LRRC14: variants seen among roughly 807,000 people sequenced by gnomAD.
LRRC14 encodes the protein leucine-rich repeat-containing protein 14.
Under a neutral mutation model 25.3 loss-of-function variants are expected in LRRC14, and 16 were observed. The observed-to-expected ratio is 0.63, with a 90% CI of 0.43 to 0.96. The LOEUF (loss-of-function observed/expected upper bound fraction) is 0.96, where lower values mean the gene tolerates loss of function less well. Among genes scored for constraint, LRRC14 ranks in the 40% least tolerant of loss-of-function variants. LRRC14 has a pLI of 0.00. For synonymous variants in LRRC14, 359 were observed against 295.1 expected (o/e 1.22, Z -2.22); for missense variants, 594 against 660.5 (o/e 0.90, Z 1.10).
chr8:144,522,416 C>T lies in LRRC14; in HGVS notation c.*938C>T. ...GCGGCTTCCACCTTTACTGACGGAG[C>T]ATGCGCGAGGCCGCACCGGCCAATC... On this transcript the variant is annotated 3_prime_UTR_variant, in exon 4 of 4. Transcript: ENST00000292524. 7.3e-7 allele frequency: 1 copy of T among 1,376,230 alleles called. No individual in the cohort carries two copies. The highest frequency in any genetic ancestry group is 9.3e-7 in the Non-Finnish European group (1 of 1,072,838). The allele number at this position is 1,376,230 out of a possible 1,614,324, so 85.3% of individuals were successfully genotyped here.
Position 144,524,181 on chromosome 8 carries a change from C to G in LRRC14, c.*2703C>G. On this transcript the variant is annotated 3_prime_UTR_variant, in exon 4 of 4. Coordinates refer to ENST00000292524, the MANE Select transcript of LRRC14 (RefSeq NM_014665.4). Reference sequence around the variant, plus strand: ...TCGGCTGATGGTGCCCAGCTGGTTCCTGCTGAGGTCCAGCAGTGCTAGGGA... The same window carrying G: ...TCGGCTGATGGTGCCCAGCTGGTTCGTGCTGAGGTCCAGCAGTGCTAGGGA... The G allele has an allele frequency of 6.2e-7, 1 of 1,611,740 alleles. No individual in the cohort carries two copies.
In LRRC14 at chr8:144,522,236, C is replaced by CG. The variant is rs1381514376; in HGVS notation, c.*758_*759insG. 6.0e-6 allele frequency: 3 copies of CG among 501,802 alleles called. No homozygotes were observed. The highest frequency in any genetic ancestry group is 9.6e-6 in the Non-Finnish European group (3 of 312,496). The allele number at this position is 501,802 out of a possible 1,614,324, so 31.1% of individuals were successfully genotyped here. On this transcript the variant is annotated 3_prime_UTR_variant, in exon 4 of 4. Coordinates refer to ENST00000292524, the MANE Select transcript of LRRC14 (RefSeq NM_014665.4). ...TGGCCGGCCAGGGCCAGCGAGGGAC[C>CG]CCCCCCATGCAGAGCTGGAGGTTGG...
chr8:144,523,823 C>T lies in LRRC14; in HGVS notation c.*2345C>T, dbSNP rs1255115427. Reference sequence around the variant, plus strand: ...TCCCCAGTCCTGGTCAGCTGTCTCTCTCCTTTGCAATTTTGTCTGCCTCCC... The same window carrying T: ...TCCCCAGTCCTGGTCAGCTGTCTCTTTCCTTTGCAATTTTGTCTGCCTCCC... On this transcript the variant is annotated 3_prime_UTR_variant, in exon 4 of 4. Transcript: ENST00000292524. 5 of 475,568 alleles carry T rather than the reference C, an allele frequency of 1.1e-5. No individual in the cohort carries two copies. The highest frequency in any genetic ancestry group is 3.5e-5 in the East Asian group (1 of 28,742). 29.5% of individuals were successfully genotyped at this position (475,568 alleles called of 1,614,324 possible).
chr8:144,522,694 C>CT lies in LRRC14; in HGVS notation c.*1217dup, dbSNP rs751182981. ...AGTAGTCGTTGACGAACAGCGCTCC[C>CT]TCCCCCGGAGGCCCCCGCGCCTTTT... On this transcript the variant is annotated 3_prime_UTR_variant, in exon 4 of 4. Transcript: ENST00000292524. 4 of 1,597,144 alleles carry CT rather than the reference C, an allele frequency of 2.5e-6. No individual in the cohort carries two copies. In the South Asian group the frequency reaches 4.5e-5, roughly 18 times the overall value.
rs765442195 is a variant in LRRC14, at chr8:144,520,579, G to T, written c.671G>T (p.Arg224Leu). 6.2e-7 allele frequency: 1 copy of T among 1,600,518 alleles called. No homozygotes were observed. Among genetic ancestry groups the T allele is most frequent in the Non-Finnish European group, 8.5e-7 (1 of 1,179,930 alleles). ...CTTCTGGATGCAGGCTGCCTGCGCCGCGTGGACCTGCGCTTCAACAATCTG... is the reference window on the plus strand; with the variant it reads ...CTTCTGGATGCAGGCTGCCTGCGCCTCGTGGACCTGCGCTTCAACAATCTG... ...LQLLDAGCLR[R>L]VDLRFNNLGL... The change falls in exon 3 of 4, where the codon CGC (arginine) becomes CTC (leucine). Residue 224 changes from arginine (R) to leucine (L), a missense_variant. By Grantham distance (102) the Arg-to-Leu change is moderately radical. Transcript: ENST00000292524.
Position 144,524,108 on chromosome 8 carries a change from A to C in LRRC14, c.*2630A>C. The C allele has an allele frequency of 1.9e-6, 3 of 1,596,046 alleles. No homozygotes were observed. The highest frequency in any genetic ancestry group is 2.6e-6 in the Non-Finnish European group (3 of 1,167,566). ...CAGAGACGCTTTCCGAGGAAGAGGT[A>C]CCTGTGAGGCGCAGGACTTGCAGAC... On this transcript the variant is annotated 3_prime_UTR_variant, in exon 4 of 4. Transcript: ENST00000292524.
Position 144,523,651 on chromosome 8 carries a change from G to C in LRRC14, c.*2173G>C, listed in dbSNP as rs901988507. On this transcript the variant is annotated 3_prime_UTR_variant, in exon 4 of 4. Coordinates refer to ENST00000292524, the MANE Select transcript of LRRC14 (RefSeq NM_014665.4). ...CCTGTTACAGATCACTTCTCCGTCG[G>C]TCTCTGAGAAAGCACCTGCTCCTTA... 19 of 510,392 alleles carry C rather than the reference G, an allele frequency of 3.7e-5. No individual in the cohort carries two copies. The highest frequency in any genetic ancestry group is 6.0e-5 in the Non-Finnish European group (19 of 315,302). 31.6% of individuals were successfully genotyped at this position (510,392 alleles called of 1,614,324 possible). A position where few individuals can be genotyped will look rare whatever the true frequency, so the allele number is the denominator to read the frequency against.
Position 144,520,836 on chromosome 8 carries a change from A to G in LRRC14, c.914+14A>G. Reference sequence around the variant, plus strand: ...CCAGCTGCTCAGGTGAGCGGGCCCCACCACTGCCCTGCCCCTCCCTTCTGT... The same window carrying G: ...CCAGCTGCTCAGGTGAGCGGGCCCCGCCACTGCCCTGCCCCTCCCTTCTGT... On this transcript the variant is annotated intron_variant, in intron 3 of 3. Transcript: ENST00000292524. 6.3e-7 allele frequency: 1 copy of G among 1,593,928 alleles called. No individual in the cohort carries two copies. Among genetic ancestry groups the G allele is most frequent in the Non-Finnish European group, 8.5e-7 (1 of 1,176,392 alleles).
In LRRC14 at chr8:144,521,003, C is replaced by T; in HGVS notation, c.1007C>T (p.Ala336Val). Residue 336 changes from alanine (A) to valine (V), a missense_variant, in exon 4 of 4, where the codon GCC (alanine) becomes GTC (valine). Physicochemically the swap from Ala to Val is moderately conservative, Grantham distance 64. Transcript: ENST00000292524. ...LRFLARSPHAAHLKKLDLSGN... is the reference protein window; with the variant it reads ...LRFLARSPHAVHLKKLDLSGN... ...TTCCTGGCACGGAGCCCACATGCTG[C>T]CCACCTCAAGAAGTTGGACCTGAGT... The T allele has an allele frequency of 6.2e-7, 1 of 1,613,140 alleles. No individual in the cohort carries two copies. Among genetic ancestry groups the T allele is most frequent in the Admixed American group, 1.7e-5 (1 of 60,034 alleles).
In LRRC14 at chr8:144,520,045, C is replaced by T. The variant is rs777105669; in HGVS notation, c.320C>T (p.Pro107Leu). ...HTSEPGASTQ[P>L]LCRKHALRVL... ...TCAGAGCCTGGGGCCAGCACACAGC[C>T]CCTCTGCAGGTATGGACTTATCTGG... Residue 107 changes from proline to leucine, a missense_variant, in exon 2 of 4, where the codon CCC becomes CTC. Coordinates refer to ENST00000292524, the MANE Select transcript of LRRC14 (RefSeq NM_014665.4). 6.2e-6 allele frequency: 10 copies of T among 1,604,710 alleles called. No individual in the cohort carries two copies. Among genetic ancestry groups the T allele is most frequent in the Non-Finnish European group, 8.5e-6 (10 of 1,177,502 alleles).
At position 144,520,717 on chromosome 8, in the gene LRRC14, AG is replaced by A. The variant is rs757010766; in HGVS notation, c.811del (p.Asp271ThrfsTer73). On this transcript the variant is annotated frameshift_variant, in exon 3 of 4. Coordinates refer to ENST00000292524, the MANE Select transcript of LRRC14 (RefSeq NM_014665.4). LOFTEE classifies it high-confidence loss of function. ...TCAAGGCAGCCCTCCGTGGATGGCG[AG>A]GACAACTTCCGCTACTTCCTTGCCC... Reference protein sequence around the residue: ...GDSRQPSVDGEDNFRYFLAQM... With the variant: ...GDSRQPSVDGXDNFRYFLAQM... 1 of 1,599,412 alleles carries A rather than the reference AG, an allele frequency of 6.3e-7. No homozygotes were observed. Among genetic ancestry groups the A allele is most frequent in the South Asian group, 1.1e-5 (1 of 91,090 alleles).
At position 144,522,515 on chromosome 8, in the gene LRRC14, A is replaced by AGTCCCGGCCCCGCCCCCT. The variant is rs776779523; in HGVS notation, c.*1040_*1057dup. The AGTCCCGGCCCCGCCCCCT allele has an allele frequency of 6.7e-6, 10 of 1,500,044 alleles. No homozygotes were observed. In the African/African-American group the frequency reaches 1.2e-4, roughly 17 times the overall value. The allele number at this position is 1,500,044 out of a possible 1,614,324, so 92.9% of individuals were successfully genotyped here. ...GTAGGCGACCGGCGGGGGCACGCGG[A>AGTCCCGGCCCCGCCCCCT]GTCCCGGCCCCGCCCCCTGTTCCGG... On this transcript the variant is annotated 3_prime_UTR_variant, in exon 4 of 4. Transcript: ENST00000292524.
At position 144,522,619 on chromosome 8, in the gene LRRC14, G is replaced by A; in HGVS notation, c.*1141G>A. On this transcript the variant is annotated 3_prime_UTR_variant, in exon 4 of 4. Transcript: ENST00000292524. ...GGTTGATGACGAACATCTCGTGGCCGCGCTCGTCGCGGAGCTCCTCTAGCT... is the reference window on the plus strand; with the variant it reads ...GGTTGATGACGAACATCTCGTGGCCACGCTCGTCGCGGAGCTCCTCTAGCT... 1 of 1,573,028 alleles carries A rather than the reference G, an allele frequency of 6.4e-7. No homozygotes were observed. Among genetic ancestry groups the A allele is most frequent in the South Asian group, 1.2e-5 (1 of 86,278 alleles).
In LRRC14 at chr8:144,521,471, G is replaced by A; in HGVS notation, c.1475G>A (p.Ser492Asn). 6.3e-7 allele frequency: 1 copy of A among 1,597,164 alleles called. No individual in the cohort carries two copies. Among genetic ancestry groups the A allele is most frequent in the Non-Finnish European group, 8.5e-7 (1 of 1,175,992 alleles). Residue 492 changes from serine to asparagine, a missense_variant, in exon 4 of 4, where the codon AGC becomes AAC. Transcript: ENST00000292524. ...IYGRLAADYF[S>N]L ...GGGCGACTGGCTGCGGACTACTTCA[G>A]CCTATGATGAAGTAGCTCTGGGTGA...
rs202196418 is a variant in LRRC14, at chr8:144,523,081, G to A, written c.*1603G>A. 1,066 of 1,607,936 alleles carry A rather than the reference G, an allele frequency of 6.6e-4. 2 individuals are homozygous for A. The highest frequency in any genetic ancestry group is 8.7e-4 in the Non-Finnish European group (1,029 of 1,179,018). On this transcript the variant is annotated 3_prime_UTR_variant, in exon 4 of 4. Transcript: ENST00000292524. The stretch of plus-strand genomic sequence containing the variant: ...AGTGTCCGCCCAGGCCCAGCAACCC[G>A]CCTTCTAGCTGGGCCTGGGCTCGCG...
chr8:144,518,044 G>T lies in LRRC14; in HGVS notation c.-112+3G>T. 4 of 204,916 alleles carry T rather than the reference G, an allele frequency of 2.0e-5. No individual in the cohort carries two copies. In the South Asian group the frequency reaches 6.8e-4, roughly 35 times the overall value. The allele number at this position is 204,916 out of a possible 1,614,324, so 12.7% of individuals were successfully genotyped here. A position where few individuals can be genotyped will look rare whatever the true frequency, so the allele number is the denominator to read the frequency against. On this transcript the variant is annotated splice_donor_region_variant and intron_variant, in intron 1 of 3. Transcript: ENST00000292524. ...CGGTGGCTGCGGTTGCGGGACCGGT[G>T]AGCGCGGGCGGCCGGGGGGGTGTCT...
rs891973005 is a variant in LRRC14 at position 144,523,360 on chromosome 8, G to C, written c.*1882G>C. The C allele has an allele frequency of 1.3e-6, 2 of 1,579,990 alleles. No individual in the cohort carries two copies. Among genetic ancestry groups the C allele is most frequent in the Non-Finnish European group, 1.7e-6 (2 of 1,159,968 alleles). The stretch of plus-strand genomic sequence containing the variant: ...TGAGCAGCCGCTGGCCGCCCTCCTT[G>C]ATCCAGGCACCCAGCCAGTGCAGGG... On this transcript the variant is annotated 3_prime_UTR_variant, in exon 4 of 4. Coordinates refer to ENST00000292524, the MANE Select transcript of LRRC14 (RefSeq NM_014665.4).
At position 144,524,600 on chromosome 8, in the gene LRRC14, G is replaced by A. The variant is rs1816282311; in HGVS notation, c.*3122G>A. The A allele has an allele frequency of 6.5e-7, 1 of 1,527,998 alleles. No homozygotes were observed. Among genetic ancestry groups the A allele is most frequent in the Non-Finnish European group, 8.7e-7 (1 of 1,146,608 alleles). 94.7% of individuals were successfully genotyped at this position (1,527,998 alleles called of 1,614,324 possible). A position where few individuals can be genotyped will look rare whatever the true frequency, so the allele number is the denominator to read the frequency against. The stretch of plus-strand genomic sequence containing the variant: ...CCAGCAGGCGCGGCTGCGCGCGGAA[G>A]GCGCCGGCCTCCAGGGCGCGCAGGC... On this transcript the variant is annotated 3_prime_UTR_variant, in exon 4 of 4. Coordinates refer to ENST00000292524, the MANE Select transcript of LRRC14 (RefSeq NM_014665.4).
rs1159709502 is a variant in LRRC14, at chr8:144,524,902, C to T, written c.*3424C>T. 5 of 1,515,002 alleles carry T rather than the reference C, an allele frequency of 3.3e-6. No individual in the cohort carries two copies. Among genetic ancestry groups the T allele is most frequent in the South Asian group, 1.2e-5 (1 of 82,816 alleles). The allele number at this position is 1,515,002 out of a possible 1,614,324, so 93.8% of individuals were successfully genotyped here. On this transcript the variant is annotated 3_prime_UTR_variant, in exon 4 of 4. Coordinates refer to ENST00000292524, the MANE Select transcript of LRRC14 (RefSeq NM_014665.4). ...GTGGCGCTGTAGCAGCGGCAGGCTG[C>T]TGGGCAGCCGGCGGCGCGGAGCGGC...
Sources: allele counts gnomAD v4.1 joint callset, GRCh38; gene constraint gnomAD v4.1.1; transcripts MANE v1.5; gene names NCBI Gene and HGNC (gene_info 2026-07-23, HGNC 2026-07-21).